CAST: variants seen among roughly 807,000 people sequenced by gnomAD.
CAST encodes MIR583 host.
Under a neutral mutation model 119.6 loss-of-function variants are expected in CAST, and 76 were observed. The observed-to-expected ratio is 0.64, with a 90% CI of 0.53 to 0.77. The LOEUF (loss-of-function observed/expected upper bound fraction) is 0.77, where lower values mean the gene tolerates loss of function less well. Ranked by LOEUF, CAST falls within the 30% of genes least tolerant of loss-of-function variation. CAST has a pLI of 0.00. For synonymous variants in CAST, 319 were observed against 331.6 expected (o/e 0.96, Z 0.41); for missense variants, 953 against 946.5 (o/e 1.01, Z -0.09).
chr5:96,524,519 A>G (rs118146430), upstream of CAST, among the ~76,000 whole-genome samples: 1,839 of 152,296 alleles, frequency 0.012, 115 homozygotes, highest in Admixed American at 0.1. Flanking sequence ...GCACTCTGGG[A>G]CACCCACACA....
chr5:96,208,209 C>T, the CAST span, among the ~76,000 whole-genome samples: 1 of 149,324 alleles, frequency 6.7e-6, no homozygotes, highest in Non-Finnish European at 1.5e-5. Context: ...GATCTTCTCC[C>T]TTTTTTTTTC....
the CAST span, among the ~76,000 whole-genome samples, chr5:96,499,600 A>C: frequency 6.6e-6 from 1 of 152,238 alleles, no homozygotes; most frequent in South Asian, 2.1e-4. Flanking sequence ...AAAATAAGAC[A>C]ACAACGAAGT....
the CAST span, chr5:96,392,227 G>A: frequency 1.3e-5 from 2 of 150,730 alleles, no homozygotes; most frequent in African/African-American, 4.9e-5. Context: ...CATTTATTTT[G>A]TGGCTGAGAA....
chr5:96,744,991 G>A (rs1336318575), intron 16 of CAST, among the ~76,000 whole-genome samples: 2 of 152,108 alleles, frequency 1.3e-5, no homozygotes, highest in African/African-American at 2.4e-5. Context: ...GATGCCTACT[G>A]TATACAAACC....
intron 1 of CAST, among the ~76,000 whole-genome samples, chr5:96,654,711 A>G (rs903223242): frequency 1.3e-5 from 2 of 151,186 alleles, no homozygotes; most frequent in African/African-American, 4.9e-5. Flanking sequence ...AGAAAAAACA[A>G]AAAAGGGGCA....
the CAST span, among the ~76,000 whole-genome samples, chr5:96,281,671 C>G: frequency 3.3e-5 from 5 of 152,088 alleles, no homozygotes; most frequent in African/African-American, 1.2e-4. Context: ...GCAGCAGATG[C>G]GCGAGGAGAG....
the CAST span, among the ~76,000 whole-genome samples, chr5:96,355,137 C>A: frequency 6.6e-6 from 1 of 151,944 alleles, no homozygotes; most frequent in African/African-American, 2.4e-5. Context: ...AGGTTTTAAG[C>A]CCCGCATGCA....
chr5:96,571,926 A>G (rs1746577062), intron 1 of CAST, among the ~76,000 whole-genome samples: 1 of 152,228 alleles, frequency 6.6e-6, no homozygotes, highest in Non-Finnish European at 1.5e-5. Flanking sequence ...TGTATCATTA[A>G]ATATATTGAT....
chr5:96,690,639 T>C (rs541836635), intron 2 of CAST, among the ~76,000 whole-genome samples: 1 of 152,382 alleles, frequency 6.6e-6, no homozygotes, highest in South Asian at 2.1e-4. Context: ...GCACTTGCAG[T>C]AGCACACATT....
the CAST span, among the ~76,000 whole-genome samples, chr5:96,016,833 T>C: frequency 7.1e-6 from 1 of 140,598 alleles, no homozygotes; most frequent in Non-Finnish European, 1.6e-5. Flanking sequence ...ATCTGGGTTT[T>C]TTTTTTTTTT....
the CAST span, among the ~76,000 whole-genome samples, chr5:96,333,339 G>T: frequency 2.0e-5 from 3 of 151,974 alleles, no homozygotes; most frequent in Non-Finnish European, 4.4e-5. Flanking sequence ...TGGAAAAGAG[G>T]CTTGGAAAAA....
intron 1 of CAST, among the ~76,000 whole-genome samples, chr5:96,618,830 G>A (rs766974944): frequency 3.2e-4 from 49 of 152,338 alleles, no homozygotes; most frequent in African/African-American, 5.5e-4. Flanking sequence ...GAGCCTCCCC[G>A]ACAGGCGCTG....
At chr5:95,979,453 T>C in the CAST span, among the ~76,000 whole-genome samples, 1,257 of 152,314 alleles carry the variant, frequency 8.3e-3, 14 homozygotes, top group African/African-American at 0.029. Context: ...AAAGAAAGAT[T>C]GACACTGCCC....
the CAST span, among the ~76,000 whole-genome samples, chr5:96,159,573 A>C: frequency 6.6e-6 from 1 of 152,192 alleles, no homozygotes; most frequent in East Asian, 1.9e-4. Context: ...ATACAAACAT[A>C]TACAGGCAGA....
chr5:96,577,807 A>G (rs1312837818), intron 1 of CAST, among the ~76,000 whole-genome samples: 3 of 152,064 alleles, frequency 2.0e-5, no homozygotes, highest in African/African-American at 7.2e-5. Flanking sequence ...TTGTCTTAGT[A>G]TATGTTCTGT....
intron 1 of CAST, among the ~76,000 whole-genome samples, chr5:96,634,796 A>G (rs1016437211): frequency 1.1e-4 from 16 of 152,346 alleles, no homozygotes; most frequent in African/African-American, 3.4e-4. Context: ...AAAACTCAAG[A>G]CTGAAAATAA....
upstream of CAST, chr5:96,529,752 A>C: frequency 2.3e-6 from 1 of 428,244 alleles, no homozygotes; most frequent in Non-Finnish European, 4.6e-6. Context: ...GTCAGTTCTC[A>C]CGAGATATAA....
chr5:96,753,760 TA>T (rs1404127422), intron 20 of CAST, among the ~76,000 whole-genome samples: 1 of 152,236 alleles, frequency 6.6e-6, no homozygotes, highest in Non-Finnish European at 1.5e-5. Flanking sequence ...GTATGCAACT[TA>T]TCTGTGATAC....
the CAST span, among the ~76,000 whole-genome samples, chr5:96,406,449 C>T: frequency 3.3e-5 from 5 of 152,154 alleles, no homozygotes; most frequent in African/African-American, 1.2e-4. Context: ...AATTGAGCAC[C>T]TGAATTTACT....
Sources: gnomAD v4.1 joint callset for allele counts (sites outside exome capture counted in the v4.1 genomes callset) on GRCh38, gnomAD v4.1.1 for gene constraint, MANE v1.5 for transcripts, NCBI Gene and HGNC (gene_info 2026-07-23, HGNC 2026-07-21) for gene names.